Variants in RSRC1 observed in about 807,000 individuals in gnomAD.
The protein encoded by RSRC1 is arginine and serine rich coiled-coil 1, also known as serine/Arginine-related protein 53.
Under a neutral mutation model 49.1 loss-of-function variants are expected in RSRC1, and 39 were observed. The observed-to-expected ratio is 0.79, with a 90% CI of 0.61 to 1.04. The LOEUF is 1.04. Among genes scored for constraint, RSRC1 ranks in the 50% least tolerant of loss-of-function variants. The pLI is 0.00. For missense variants in RSRC1, 388 were observed against 402.4 expected, an observed-to-expected ratio of 0.96 and a Z score of 0.31; for synonymous variants, 143 against 130.8, an observed-to-expected ratio of 1.09 and a Z score of -0.63.
At chr3:158,188,136 A>G (rs1720032603) in intron 3 of RSRC1, among the ~76,000 whole-genome samples, 1 of 151,962 alleles carries the variant, frequency 6.6e-6, no homozygotes, top group South Asian at 2.1e-4. Flanking sequence ...ACTTGACTCT[A>G]TGCAATGCCT....
chr3:158,261,659 G>A (rs1052267974), intron 4 of RSRC1, among the ~76,000 whole-genome samples: 2 of 152,160 alleles, frequency 1.3e-5, no homozygotes, highest in African/African-American at 4.8e-5. Flanking sequence ...GCTCTGCCTT[G>A]TGTCAGATCA....
At chr3:158,370,568 G>A (rs553831792) in intron 6 of RSRC1, among the ~76,000 whole-genome samples, 5 of 151,812 alleles carry the variant, frequency 3.3e-5, no homozygotes, top group South Asian at 2.1e-4. Context: ...GGATTTGTTC[G>A]TGTCGTTGTG....
intron 4 of RSRC1, among the ~76,000 whole-genome samples, chr3:158,287,622 TA>T (rs1194302280): frequency 6.6e-6 from 1 of 152,170 alleles, no homozygotes; most frequent in Non-Finnish European, 1.5e-5. Flanking sequence ...ATGCAAACAT[TA>T]AAATATTATA....
chr3:158,356,143 C>T (rs889322281), intron 6 of RSRC1, among the ~76,000 whole-genome samples: 1 of 151,952 alleles, frequency 6.6e-6, no homozygotes, highest in African/African-American at 2.4e-5. Flanking sequence ...GAAAATGAAA[C>T]TGCAGCTGCA....
intron 3 of RSRC1, among the ~76,000 whole-genome samples, chr3:158,145,469 C>A (rs1403505959): frequency 6.6e-6 from 1 of 152,140 alleles, no homozygotes; most frequent in Non-Finnish European, 1.5e-5. Context: ...TCTGAGGGCT[C>A]TGTTCTGTTC....
intron 5 of RSRC1, among the ~76,000 whole-genome samples, chr3:158,330,281 G>C (rs1729471264): frequency 6.6e-6 from 1 of 152,222 alleles, no homozygotes; most frequent in Admixed American, 6.5e-5. Flanking sequence ...GATTTCCTCA[G>C]TTGGAAATGC....
chr3:158,364,644 A>G (rs1323763156), intron 6 of RSRC1, among the ~76,000 whole-genome samples: 1 of 151,986 alleles, frequency 6.6e-6, no homozygotes, highest in Non-Finnish European at 1.5e-5. Flanking sequence ...CCTGATACAT[A>G]GTAAGTATTC....
At chr3:158,372,793 T>C (rs1014017481) in intron 6 of RSRC1, among the ~76,000 whole-genome samples, 1 of 151,906 alleles carries the variant, frequency 6.6e-6, no homozygotes, top group Non-Finnish European at 1.5e-5. Flanking sequence ...CTGGGGAGAA[T>C]TGGCATCTTA....
intron 5 of RSRC1, among the ~76,000 whole-genome samples, chr3:158,299,636 T>C (rs1727425382): frequency 6.6e-6 from 1 of 152,126 alleles, no homozygotes; most frequent in African/African-American, 2.4e-5. Flanking sequence ...TGGCCTGAGG[T>C]GTCTTTTATA....
intron 5 of RSRC1, among the ~76,000 whole-genome samples, chr3:158,325,758 C>T (rs535299392): frequency 1.3e-5 from 2 of 152,288 alleles, no homozygotes; most frequent in African/African-American, 4.8e-5. Context: ...TTCTCCAATT[C>T]TGTGAAGAAA....
At chr3:158,346,685 A>G (rs1730569816) in intron 5 of RSRC1, among the ~76,000 whole-genome samples, 1 of 152,204 alleles carries the variant, frequency 6.6e-6, no homozygotes, top group Non-Finnish European at 1.5e-5. Context: ...GTGGGATACT[A>G]AAAACACTTT....
chr3:158,406,307 A>G (rs558140536), intron 6 of RSRC1, among the ~76,000 whole-genome samples: 1 of 152,270 alleles, frequency 6.6e-6, no homozygotes, highest in Admixed American at 6.5e-5. Flanking sequence ...TAAATAAACT[A>G]TCAATAATGA....
chr3:158,378,134 CAT>C (rs1373974390), intron 6 of RSRC1, among the ~76,000 whole-genome samples: 1 of 152,068 alleles, frequency 6.6e-6, no homozygotes, highest in Non-Finnish European at 1.5e-5. Context: ...AAATTTCTAA[CAT>C]GTTTCAGTTC....
chr3:158,400,419 A>G (rs566821008), intron 6 of RSRC1, among the ~76,000 whole-genome samples: 1 of 142,122 alleles, frequency 7.0e-6, no homozygotes, highest in African/African-American at 3.1e-5. Flanking sequence ...TTCTGTGTAT[A>G]AAAAAATAGT....
chr3:158,316,753 A>AT (rs1352346502), intron 5 of RSRC1, among the ~76,000 whole-genome samples: 1 of 151,940 alleles, frequency 6.6e-6, no homozygotes, highest in African/African-American at 2.4e-5. Flanking sequence ...AGAATCTCTC[A>AT]TTTTTGTACA....
At position 158,518,148 on chromosome 3, in the gene RSRC1, ATTT is replaced by A. The variant is rs72132266; in HGVS notation, c.653-18926_653-18924del. On this transcript the variant is annotated intron_variant, in intron 7 of 9. Transcript: ENST00000611884. ...TGTGTATATATATATATATATATAT[ATTT>A]TTTTTTTTTTTTTTTTTACTCCCAT... 7.1e-3 allele frequency among the ~76,000 whole-genome samples: 314 copies of A among 44,054 alleles called. 1 individual carries two copies. The highest frequency in any genetic ancestry group is 8.5e-3 in the Non-Finnish European group (240 of 28,366). The allele number at this position is 44,054 out of a possible 152,430, so 28.9% of individuals were successfully genotyped here.
At chr3:158,355,656 T>A (rs977376515) in intron 6 of RSRC1, among the ~76,000 whole-genome samples, 10 of 152,040 alleles carry the variant, frequency 6.6e-5, no homozygotes, top group African/African-American at 2.4e-4. Context: ...AATACTTTAC[T>A]TTTTTAAAAA....
intron 6 of RSRC1, among the ~76,000 whole-genome samples, chr3:158,420,882 G>C (rs765448906): frequency 2.6e-5 from 4 of 151,866 alleles, no homozygotes; most frequent in Non-Finnish European, 4.4e-5. Context: ...TGCCCTCATG[G>C]AATGTACATT....
At chr3:158,416,784 C>CT (rs1013172582) in intron 6 of RSRC1, among the ~76,000 whole-genome samples, 3 of 151,816 alleles carry the variant, frequency 2.0e-5, no homozygotes, top group African/African-American at 7.3e-5. Context: ...TGTTGTACTT[C>CT]TTTTTTTTCT....
Sources: gnomAD v4.1 joint callset for allele counts (sites outside exome capture counted in the v4.1 genomes callset) on GRCh38, gnomAD v4.1.1 for gene constraint, MANE v1.5 for transcripts, NCBI Gene and HGNC (gene_info 2026-07-23, HGNC 2026-07-21) for gene names.